ZNF521: variants seen among roughly 807,000 people sequenced by gnomAD.
ZNF521 encodes LYST-interacting protein 3.
A neutral mutation model predicts 105.5 loss-of-function variants in ZNF521; 14 were observed. The ratio of observed to expected loss-of-function variants is 0.13; its 90% CI spans 0.09 to 0.21. ZNF521 has a LOEUF of 0.21. Among genes scored for constraint, ZNF521 ranks in the 10% least tolerant of loss-of-function variants. ZNF521 has a pLI of 1.00. For missense variants in ZNF521, 1,233 were observed against 1,629.7 expected, an observed-to-expected ratio of 0.76 and a Z score of 4.19; for synonymous variants, 635 against 606.0, an observed-to-expected ratio of 1.05 and a Z score of -0.70.
chr18:25,142,386 G>T lies in ZNF521; in HGVS notation c.3659-50305C>A, dbSNP rs550826062. 6.6e-5 allele frequency among the ~76,000 whole-genome samples: 10 copies of T among 152,238 alleles called. No homozygotes were observed. The South Asian group carries it at 2.1e-3, about 32-fold the overall frequency. ...AAGCAATTGCCATAAGCATTGTCTA[G>T]ATTCAAAAATGGCTTCTCATTCCCA... On this transcript the variant is annotated intron_variant, in intron 5 of 7. Transcript: ENST00000361524.
chr18:25,197,529 C>A (rs540564346), intron 4 of ZNF521, among the ~76,000 whole-genome samples: 122 of 151,870 alleles, frequency 8.0e-4, no homozygotes, highest in African/African-American at 2.8e-3. Context: ...TTTGAGAGAT[C>A]CCTGCACACC....
At chr18:25,124,342 C>T (rs2034499130) in intron 5 of ZNF521, among the ~76,000 whole-genome samples, 1 of 152,078 alleles carries the variant, frequency 6.6e-6, no homozygotes, top group South Asian at 2.1e-4. Context: ...AGCTGCAGTC[C>T]TGCTTCATTT....
chr18:25,260,473 C>T (rs1900220457), intron 3 of ZNF521, among the ~76,000 whole-genome samples: 1 of 152,100 alleles, frequency 6.6e-6, no homozygotes, highest in African/African-American at 2.4e-5. Flanking sequence ...GTTACTTAAC[C>T]TTTTCTTCAG....
Position 25,327,711 on chromosome 18 carries a change from A to G in ZNF521, c.41-5524T>C, listed in dbSNP as rs375596992. 2.2e-3 allele frequency: 1,147 copies of G among 518,638 alleles called. 5 individuals are homozygous for G. Among genetic ancestry groups the G allele is most frequent in the Non-Finnish European group, 3.3e-3 (865 of 259,788 alleles). The allele number at this position is 518,638 out of a possible 1,614,324, so 32.1% of individuals were successfully genotyped here. A position where few individuals can be genotyped will look rare whatever the true frequency, so the allele number is the denominator to read the frequency against. ...TTGAAATCCCATAAGACGAAAACAG[A>G]TTTAGGGGAAATAAATCGCACACTG... is the stretch of plus-strand genomic sequence containing the variant. On this transcript the variant is annotated intron_variant, in intron 2 of 7. Transcript: ENST00000361524.
At chr18:25,138,866 G>A (rs1052846158) in intron 5 of ZNF521, among the ~76,000 whole-genome samples, 2 of 152,212 alleles carry the variant, frequency 1.3e-5, no homozygotes, top group East Asian at 1.9e-4. Flanking sequence ...CTCTACCCAC[G>A]AACACTGCCT....
intron 5 of ZNF521, among the ~76,000 whole-genome samples, chr18:25,175,725 T>C (rs1403762314): frequency 6.6e-6 from 1 of 152,226 alleles, no homozygotes; most frequent in Non-Finnish European, 1.5e-5. Context: ...TCCCTACCAA[T>C]TGAGCATACT....
At chr18:25,199,963 C>T (rs1475526972) in intron 4 of ZNF521, among the ~76,000 whole-genome samples, 1 of 151,612 alleles carries the variant, frequency 6.6e-6, no homozygotes, top group African/African-American at 2.4e-5. Context: ...CTATAAAGAA[C>T]TTGTATGTAA....
At chr18:25,093,297 G>A (rs2033786717) in intron 5 of ZNF521, among the ~76,000 whole-genome samples, 1 of 152,050 alleles carries the variant, frequency 6.6e-6, no homozygotes. Context: ...CTTACTAAAG[G>A]GTAGAGGCTG....
At chr18:25,191,516 C>T (rs913123906) in intron 5 of ZNF521, among the ~76,000 whole-genome samples, 6 of 152,148 alleles carry the variant, frequency 3.9e-5, no homozygotes, top group African/African-American at 1.4e-4. Context: ...CTGTTTGGAA[C>T]ACATTTGTTT....
intron 3 of ZNF521, among the ~76,000 whole-genome samples, chr18:25,276,844 A>G (rs1302415053): frequency 6.6e-6 from 1 of 152,238 alleles, no homozygotes; most frequent in Non-Finnish European, 1.5e-5. Context: ...GGTTCATTCT[A>G]AACTGAAAGT....
At chr18:25,269,020 G>A (rs1486464814) in intron 3 of ZNF521, among the ~76,000 whole-genome samples, 3 of 150,090 alleles carry the variant, frequency 2.0e-5, no homozygotes, top group East Asian at 2.0e-4. Flanking sequence ...TTGGTGTGCT[G>A]TATCCAGGAG....
chr18:25,246,411 C>G (rs1360257251), intron 3 of ZNF521, among the ~76,000 whole-genome samples: 1 of 152,172 alleles, frequency 6.6e-6, no homozygotes, highest in East Asian at 1.9e-4. Context: ...GATAGATTAA[C>G]TTTCTAAAAT....
At chr18:25,140,469 T>G (rs764480502) in intron 5 of ZNF521, among the ~76,000 whole-genome samples, 1 of 152,176 alleles carries the variant, frequency 6.6e-6, no homozygotes, top group Non-Finnish European at 1.5e-5. Flanking sequence ...TCAGCGTTTG[T>G]TAAGAGTGTC....
In ZNF521 at chr18:25,099,275, C is replaced by A. The variant is rs191001605; in HGVS notation, c.3659-7194G>T. ...GCCAAGACTGATGGTAAAACAATAT[C>A]TATTGTTTGTCAGTTGGGTTTCAAA... On this transcript the variant is annotated intron_variant, in intron 5 of 7. Transcript: ENST00000361524. Among the ~76,000 whole-genome samples, 20 of 152,228 alleles carry A rather than the reference C, an allele frequency of 1.3e-4. 1 individual carries two copies. The highest frequency in any genetic ancestry group is 1.3e-3 in the Admixed American group (20 of 15,278).
chr18:25,322,424 C>G, intron 2 of ZNF521: 1 of 580,144 alleles, frequency 1.7e-6, no homozygotes, highest in South Asian at 1.8e-5. Context: ...TCCTCTCTCT[C>G]CCATCAAATC....
intron 4 of ZNF521, among the ~76,000 whole-genome samples, chr18:25,215,848 G>T (rs1905293601): frequency 6.6e-6 from 1 of 152,132 alleles, no homozygotes; most frequent in South Asian, 2.1e-4. Flanking sequence ...TGGTACTGGT[G>T]CCAGGGCCGT....
At chr18:25,297,684 G>A (rs773519750) in intron 3 of ZNF521, among the ~76,000 whole-genome samples, 8 of 151,976 alleles carry the variant, frequency 5.3e-5, no homozygotes, top group Non-Finnish European at 8.8e-5. Context: ...TATGGTCACA[G>A]AATAGACACA....
intron 3 of ZNF521, among the ~76,000 whole-genome samples, chr18:25,251,757 C>G (rs1021733839): frequency 4.6e-5 from 7 of 152,170 alleles, no homozygotes; most frequent in Non-Finnish European, 8.8e-5. Flanking sequence ...AAGCACTCTT[C>G]GGTGAACAGC....
intron 5 of ZNF521, among the ~76,000 whole-genome samples, chr18:25,169,726 T>TTG (rs2035413801): frequency 1.3e-5 from 2 of 152,260 alleles, no homozygotes; most frequent in Non-Finnish European, 2.9e-5. Flanking sequence ...TCTAGGATAC[T>TTG]GAAATGAGGG....
Sources: allele counts gnomAD v4.1 joint callset (sites outside exome capture counted in the v4.1 genomes callset), GRCh38; gene constraint gnomAD v4.1.1; transcripts MANE v1.5; gene names NCBI Gene and HGNC (gene_info 2026-07-23, HGNC 2026-07-21).